ZNF18: variants seen among roughly 807,000 people sequenced by gnomAD.
The protein encoded by ZNF18 is zinc finger protein 18, also known as heart development-specific gene 1 protein.
A neutral mutation model predicts 58.1 loss-of-function variants in ZNF18; 42 were observed. The ratio of observed to expected loss-of-function variants is 0.72; its 90% confidence interval spans 0.56 to 0.93. The LOEUF (loss-of-function observed/expected upper bound fraction) is 0.93. Ranked by LOEUF, ZNF18 falls within the 40% of genes least tolerant of loss-of-function variation. ZNF18 has a pLI of 0.00. For synonymous variants in ZNF18, 231 were observed against 239.8 expected (o/e 0.96, Z 0.34); for missense variants, 540 against 644.2 (o/e 0.84, Z 1.75).
the ZNF18 span, among the ~76,000 whole-genome samples, chr17:12,013,596 T>C: frequency 1.3e-5 from 2 of 152,250 alleles, no homozygotes; most frequent in Non-Finnish European, 2.9e-5. Context: ...TATTTGAGTC[T>C]ATTTCTAGTC....
rs1396240137 is a variant in ZNF18 at position 11,991,183 on chromosome 17, T to C, written c.388-20A>G. On this transcript the variant is annotated intron_variant, in intron 2 of 6. Coordinates refer to ENST00000580306, the MANE Select transcript of ZNF18 (RefSeq NM_001303281.2). ...ACTGATCTAGAGACCATATATTAAT[T>C]AGTAATTACTGAAGAATCCAGAGTA... 1.9e-6 allele frequency: 3 copies of C among 1,594,644 alleles called. No individual in the cohort carries two copies. The Admixed American group carries it at 5.1e-5, about 27-fold the overall frequency.
chr17:11,994,731 C>T (rs1187627594), intron 1 of ZNF18, among the ~76,000 whole-genome samples: 1 of 151,994 alleles, frequency 6.6e-6, no homozygotes, highest in Non-Finnish European at 1.5e-5. Context: ...ATCCCAGCTA[C>T]TCGGGAGGCT....
chr17:11,998,055 T>TCTTC (rs1567612012), upstream of ZNF18, among the ~76,000 whole-genome samples: 1 of 150,504 alleles, frequency 6.6e-6, no homozygotes, highest in Non-Finnish European at 1.5e-5. Flanking sequence ...TCTCTCTCTC[T>TCTTC]TCTCTCTCTC....
At chr17:11,998,056 T>C (rs189640065), upstream of ZNF18, among the ~76,000 whole-genome samples, 1,368 of 59,254 alleles carry the variant, frequency 0.023, 20 homozygotes, top group African/African-American at 0.056. Context: ...CTCTCTCTCT[T>C]CTCTCTCTCT....
At chr17:11,999,798 G>A (rs1055584454), upstream of ZNF18, among the ~76,000 whole-genome samples, 1 of 152,204 alleles carries the variant, frequency 6.6e-6, no homozygotes, top group Non-Finnish European at 1.5e-5. Flanking sequence ...GAGATGGAGT[G>A]CAAGTTATAT....
At chr17:11,987,558 GAAAT>G (rs1967830509) in intron 4 of ZNF18, among the ~76,000 whole-genome samples, 1 of 152,134 alleles carries the variant, frequency 6.6e-6, no homozygotes, top group Admixed American at 6.6e-5. Context: ...TGAAGGTAGG[GAAAT>G]ACAGACACAC....
At chr17:12,014,471 T>C in the ZNF18 span, among the ~76,000 whole-genome samples, 1 of 152,178 alleles carries the variant, frequency 6.6e-6, no homozygotes, top group African/African-American at 2.4e-5. Context: ...GAATGAAACA[T>C]TGATACATGG....
chr17:11,991,594 A>G (rs1281576017), intron 2 of ZNF18, among the ~76,000 whole-genome samples: 2 of 152,208 alleles, frequency 1.3e-5, no homozygotes, highest in African/African-American at 4.8e-5. Context: ...AGAAATACAC[A>G]TTTAGTCTTT....
chr17:12,003,387 C>T, the ZNF18 span, among the ~76,000 whole-genome samples: 43 of 151,340 alleles, frequency 2.8e-4, no homozygotes, highest in Non-Finnish European at 4.3e-4. Flanking sequence ...TTGCAGTGAG[C>T]CGAGATAGTG....
chr17:11,977,694 C>G lies in ZNF18; in HGVS notation c.*263G>C, dbSNP rs991153891. On this transcript the variant is annotated 3_prime_UTR_variant, in exon 7 of 7. Coordinates refer to ENST00000580306, the MANE Select transcript of ZNF18 (RefSeq NM_001303281.2). The stretch of plus-strand genomic sequence containing the variant: ...ACTGGATCTCCAATTTAGACTTTTT[C>G]CCCGATGGGTCCAAAGGAAGGATGA... 2 of 367,092 alleles carry G rather than the reference C, an allele frequency of 5.4e-6. No homozygotes were observed. The highest frequency in any genetic ancestry group is 4.2e-5 in the African/African-American group (2 of 48,188). 22.7% of individuals were successfully genotyped at this position (367,092 alleles called of 1,614,324 possible).
chr17:11,985,633 C>A (rs1185336782), intron 4 of ZNF18, among the ~76,000 whole-genome samples: 7 of 152,150 alleles, frequency 4.6e-5, no homozygotes, highest in Non-Finnish European at 1.0e-4. Context: ...ATGTAAGCTC[C>A]ATGAGAAAAG....
At chr17:11,980,869 C>T (rs1158382153) in intron 6 of ZNF18, among the ~76,000 whole-genome samples, 3 of 152,134 alleles carry the variant, frequency 2.0e-5, no homozygotes, top group Admixed American at 6.5e-5. Flanking sequence ...TCAGATCTAA[C>T]ATTCATGAAA....
chr17:12,012,501 G>GTA, the ZNF18 span, among the ~76,000 whole-genome samples: 2 of 152,138 alleles, frequency 1.3e-5, no homozygotes, highest in African/African-American at 4.8e-5. Context: ...GGGTTAAAGG[G>GTA]TATATACATT....
chr17:12,006,127 G>A, the ZNF18 span, among the ~76,000 whole-genome samples: 1 of 152,080 alleles, frequency 6.6e-6, no homozygotes, highest in Admixed American at 6.6e-5. Context: ...ATCTGTGAGT[G>A]GCATTCAAAT....
intron 6 of ZNF18, among the ~76,000 whole-genome samples, chr17:11,980,219 C>A (rs956749439): frequency 4.6e-5 from 7 of 152,050 alleles, no homozygotes; most frequent in Admixed American, 3.9e-4. Context: ...AAACTTATGC[C>A]ATTTAGATGG....
At chr17:12,006,913 T>C in the ZNF18 span, among the ~76,000 whole-genome samples, 1 of 152,222 alleles carries the variant, frequency 6.6e-6, no homozygotes, top group African/African-American at 2.4e-5. Flanking sequence ...AATACTGTAA[T>C]AAATATCATA....
intron 2 of ZNF18, 32 bp from the exon 3 acceptor site, chr17:11,991,195 A>T (rs749397301): frequency 6.4e-7 from 1 of 1,567,660 alleles, no homozygotes; most frequent in Non-Finnish European, 8.7e-7. Context: ...GTAATTACTG[A>T]AGAATCCAGA....
At chr17:12,018,066 G>T in the ZNF18 span, among the ~76,000 whole-genome samples, 6 of 152,076 alleles carry the variant, frequency 3.9e-5, no homozygotes, top group Non-Finnish European at 7.4e-5. Context: ...ATCTTAATTT[G>T]TTATTTTCAT....
chr17:11,993,581 G>A (rs1968267611), intron 1 of ZNF18: 1 of 152,302 alleles, frequency 6.6e-6, no homozygotes, highest in Non-Finnish European at 1.5e-5. Context: ...AGCACTTTGG[G>A]AGGCCGAGGC....
Sources: allele counts gnomAD v4.1 joint callset (sites outside exome capture counted in the v4.1 genomes callset), GRCh38; gene constraint gnomAD v4.1.1; transcripts MANE v1.5; gene names NCBI Gene and HGNC (gene_info 2026-07-23, HGNC 2026-07-21).